CRACDL: variants seen among roughly 807,000 people sequenced by gnomAD.
The protein encoded by CRACDL is CRACD like.
CRACDL carries 26 observed loss-of-function variants against 70.6 expected under a neutral mutation model. The ratio of observed to expected loss-of-function variants is 0.37; its 90% CI spans 0.27 to 0.51. The LOEUF (loss-of-function observed/expected upper bound fraction) is 0.51, where lower values mean the gene tolerates loss of function less well. CRACDL is among the 20% of genes least tolerant of loss of function. CRACDL has a pLI of 0.94. For synonymous variants in CRACDL, 618 were observed against 615.2 expected (o/e 1.00, Z -0.07); for missense variants, 1,283 against 1,376.9 (o/e 0.93, Z 1.08).
At chr2:98,841,205 G>A (rs576818688) in intron 2 of CRACDL, among the ~76,000 whole-genome samples, 1 of 151,894 alleles carries the variant, frequency 6.6e-6, no homozygotes, top group Non-Finnish European at 1.5e-5. Flanking sequence ...CATATATTTA[G>A]AGTTTTGGTA....
chr2:98,916,389 C>T (rs538096722), intron 1 of CRACDL, among the ~76,000 whole-genome samples: 193 of 152,216 alleles, frequency 1.3e-3, no homozygotes, highest in Non-Finnish European at 2.2e-3. Flanking sequence ...AAGATGGGTA[C>T]GTGCACTATC....
intron 1 of CRACDL, among the ~76,000 whole-genome samples, chr2:98,910,310 A>C (rs113644905): frequency 1.9e-4 from 29 of 152,212 alleles, no homozygotes; most frequent in African/African-American, 6.5e-4. Context: ...ACCTGAGGCC[A>C]GGAGTTCGAG....
At chr2:98,798,379 G>A (rs2104397945) in intron 7 of CRACDL, among the ~76,000 whole-genome samples, 1 of 141,900 alleles carries the variant, frequency 7.0e-6, no homozygotes, top group African/African-American at 2.6e-5. Flanking sequence ...GGGAGGCGGA[G>A]CTTGCAGTGA....
intron 1 of CRACDL, among the ~76,000 whole-genome samples, chr2:98,855,238 A>G (rs1458390863): frequency 6.6e-6 from 1 of 151,752 alleles, no homozygotes; most frequent in Admixed American, 6.6e-5. Flanking sequence ...GTGAGCCAAG[A>G]TCACACCACT....
intron 1 of CRACDL, among the ~76,000 whole-genome samples, chr2:98,927,603 G>C (rs891630912): frequency 6.6e-6 from 1 of 151,868 alleles, no homozygotes; most frequent in Non-Finnish European, 1.5e-5. Context: ...GAGACGGTAC[G>C]CAAAGGCACT....
chr2:98,885,134 C>T (rs574639905), intron 1 of CRACDL, among the ~76,000 whole-genome samples: 27 of 152,234 alleles, frequency 1.8e-4, no homozygotes, highest in African/African-American at 6.0e-4. Context: ...CAGAAGAAGT[C>T]GAAGCTCAAA....
chr2:98,841,699 G>A (rs1575376196), intron 2 of CRACDL, among the ~76,000 whole-genome samples: 2 of 152,066 alleles, frequency 1.3e-5, no homozygotes, highest in East Asian at 1.9e-4. Flanking sequence ...TTGTTTGTCC[G>A]AAAATGCTTT....
intron 7 of CRACDL, among the ~76,000 whole-genome samples, chr2:98,808,645 T>C (rs1429669873): frequency 6.6e-6 from 1 of 152,080 alleles, no homozygotes; most frequent in Admixed American, 6.5e-5. Flanking sequence ...ATGCTATGGG[T>C]CCACACTGTT....
At position 98,826,999 on chromosome 2, in the gene CRACDL, C is replaced by T. The variant is rs769607705; in HGVS notation, c.711G>A (p.Ser237=). The change falls in exon 6 of 10, where the codon TCG becomes TCA. Residue 237 remains serine (S), a synonymous_variant. Transcript: ENST00000397899. Reference sequence around the variant, plus strand: ...CCGATGAGAGCCGCCTCATCTTACTCGACCGCTGGTTGCGGGGCTTGACCT... The same window carrying T: ...CCGATGAGAGCCGCCTCATCTTACTTGACCGCTGGTTGCGGGGCTTGACCT... The part of the protein sequence containing the change: ...KLQVKPRNQR[S]SKMRRLSSRA... 1.7e-5 allele frequency: 28 copies of T among 1,613,556 alleles called. No homozygotes were observed. The highest frequency in any genetic ancestry group is 2.0e-5 in the Non-Finnish European group (24 of 1,179,802).
At chr2:98,889,652 C>G (rs763537293) in intron 1 of CRACDL, among the ~76,000 whole-genome samples, 1 of 152,148 alleles carries the variant, frequency 6.6e-6, no homozygotes, top group Non-Finnish European at 1.5e-5. Flanking sequence ...AAGCATGCTA[C>G]GCCAACTAGA....
intron 2 of CRACDL, among the ~76,000 whole-genome samples, chr2:98,845,197 CTTCTTTT>C (rs1706203656): frequency 9.3e-6 from 1 of 107,460 alleles, no homozygotes; most frequent in African/African-American, 4.1e-5. Context: ...CTTTCTTCTT[CTTCTTTT>C]TTTTTTTTTT....
intron 7 of CRACDL, among the ~76,000 whole-genome samples, chr2:98,806,095 C>T (rs2871244): frequency 0.051 from 7,684 of 150,860 alleles, 240 homozygotes; most frequent in East Asian, 0.11. Context: ...GGTAGTATAT[C>T]CATCATGGGG....
At position 98,906,083 on chromosome 2, in the gene CRACDL, A is replaced by T. The variant is rs1036406432; in HGVS notation, c.-11+29855T>A. Among the ~76,000 whole-genome samples, 10 of 152,066 alleles carry T rather than the reference A, an allele frequency of 6.6e-5. No individual in the cohort carries two copies. The South Asian group carries it at 1.2e-3, about 19-fold the overall frequency. On this transcript the variant is annotated intron_variant, in intron 1 of 9. Coordinates refer to ENST00000397899, the MANE Select transcript of CRACDL (RefSeq NM_207362.3). ...CCAATTGCACGTGTTGGGCTATTTGATATTATCTCTCATATGTCACTAAGG... is the reference window on the plus strand; with the variant it reads ...CCAATTGCACGTGTTGGGCTATTTGTTATTATCTCTCATATGTCACTAAGG...
intron 1 of CRACDL, among the ~76,000 whole-genome samples, chr2:98,887,514 T>C (rs1314810795): frequency 6.6e-6 from 1 of 151,852 alleles, no homozygotes; most frequent in Non-Finnish European, 1.5e-5. Context: ...TCAAAGACCT[T>C]GGGGTAGGAT....
At chr2:98,869,126 G>A in intron 1 of CRACDL, 3 of 1,304,340 alleles carry the variant, frequency 2.3e-6, no homozygotes, top group Non-Finnish European at 3.0e-6. Flanking sequence ...CCTCCTGAGT[G>A]TGCTGTGAGC....
chr2:98,924,172 C>T (rs1252468481), intron 1 of CRACDL, among the ~76,000 whole-genome samples: 2 of 152,206 alleles, frequency 1.3e-5, no homozygotes, highest in Non-Finnish European at 2.9e-5. Context: ...ACCCCAGGAG[C>T]CAGAAGACTC....
At chr2:98,892,400 A>T (rs1708001616) in intron 1 of CRACDL, among the ~76,000 whole-genome samples, 1 of 151,922 alleles carries the variant, frequency 6.6e-6, no homozygotes, top group Admixed American at 6.6e-5. Context: ...AAAAAAAAAG[A>T]TCTGAGCAGG....
At chr2:98,827,486 T>C (rs999371165) in intron 5 of CRACDL, among the ~76,000 whole-genome samples, 4 of 152,168 alleles carry the variant, frequency 2.6e-5, no homozygotes, top group Non-Finnish European at 5.9e-5. Flanking sequence ...GAGACAGGGT[T>C]TCACCATGTT....
chr2:98,891,376 CAAAAAAAAA>C lies in CRACDL; in HGVS notation c.-11+44553_-11+44561del, dbSNP rs548988640. On this transcript the variant is annotated intron_variant, in intron 1 of 9. Coordinates refer to ENST00000397899, the MANE Select transcript of CRACDL (RefSeq NM_207362.3). ...TGGGTGACAGAGGGAGACTCCGTCTCAAAAAAAAAAAAAAAAAAAAAAAAAAAAATCCAA... is the reference window on the plus strand; with the variant it reads ...TGGGTGACAGAGGGAGACTCCGTCTCAAAAAAAAAAAAAAAAAAAATCCAA... Among the ~76,000 whole-genome samples the C allele has an allele frequency of 7.8e-3, 296 of 37,896 alleles. 3 individuals carry two copies. Among genetic ancestry groups the C allele is most frequent in the African/African-American group, 0.023 (212 of 9,228 alleles). 24.9% of individuals were successfully genotyped at this position (37,896 alleles called of 152,430 possible).
Sources: gnomAD v4.1 joint callset for allele counts (sites outside exome capture counted in the v4.1 genomes callset) on GRCh38, gnomAD v4.1.1 for gene constraint, MANE v1.5 for transcripts, NCBI Gene and HGNC (gene_info 2026-07-23, HGNC 2026-07-21) for gene names.